Variants in PSD3 observed in about 807,000 individuals in gnomAD.
The protein encoded by PSD3 is pleckstrin and Sec7 domain containing 3, also known as PH and SEC7 domain-containing protein 3.
In PSD3, 49 loss-of-function variants were observed where a neutral mutation model predicts 105.5. The observed-to-expected ratio is 0.46, with a 90% CI of 0.37 to 0.59. The LOEUF (loss-of-function observed/expected upper bound fraction) is 0.59, where lower values mean the gene tolerates loss of function less well. Among genes scored for constraint, PSD3 ranks in the 20% least tolerant of loss-of-function variants. The pLI is 0.00. For synonymous variants in PSD3, 557 were observed against 457.8 expected (o/e 1.22, Z -2.77); for missense variants, 1,561 against 1,263.8 (o/e 1.24, Z -3.57).
intron 15 of PSD3, among the ~76,000 whole-genome samples, chr8:18,550,930 T>C (rs1482947031): frequency 6.6e-6 from 1 of 152,262 alleles, no homozygotes; most frequent in Non-Finnish European, 1.5e-5. Flanking sequence ...ACTGACTTAC[T>C]AAGATTGAGA....
In PSD3 at chr8:18,876,103, T is replaced by A. The variant is rs989686802; in HGVS notation, c.131-3370A>T. On this transcript the variant is annotated intron_variant, in intron 2 of 15. Transcript: ENST00000327040. ...TCCTTTTATTTTATTATTTTTTACA[T>A]GTAAAGAGAGACAGGGTCTCTCTAT... is the stretch of plus-strand genomic sequence containing the variant. Among the ~76,000 whole-genome samples, 3 of 152,084 alleles carry A rather than the reference T, an allele frequency of 2.0e-5. No homozygotes were observed. The South Asian group carries it at 6.2e-4, about 32-fold the overall frequency.
At chr8:18,623,059 A>G (rs549250793) in intron 11 of PSD3, among the ~76,000 whole-genome samples, 1 of 152,252 alleles carries the variant, frequency 6.6e-6, no homozygotes, top group South Asian at 2.1e-4. Context: ...CATTCAAAAA[A>G]TCTTTTTGTA....
chr8:18,544,186 A>AAAAAAAAAAAAACAAAAAAAAAAAAAAT (rs1800319635), intron 15 of PSD3, among the ~76,000 whole-genome samples: 1 of 51,860 alleles, frequency 1.9e-5, no homozygotes, highest in African/African-American at 3.6e-5. Flanking sequence ...AAAAAAAAAA[A>AAAAAAAAAAAAACAAAAAAAAAAAAAAT]AAAAAAAAAA....
At position 18,697,969 on chromosome 8, in the gene PSD3, C is replaced by T. The variant is rs149333098; in HGVS notation, c.2173-42284G>A. Among the ~76,000 whole-genome samples the T allele has an allele frequency of 1.1e-3, 161 of 152,280 alleles. 1 individual carries two copies. The East Asian group carries it at 0.023, about 22-fold the overall frequency. On this transcript the variant is annotated intron_variant, in intron 9 of 15. Transcript: ENST00000327040. ...CCAAAGATGTCCATGTCCTAACTCT[C>T]AGATCACAAGATTTTTATGATACTC...
At chr8:18,825,929 T>A (rs1016210489) in intron 4 of PSD3, among the ~76,000 whole-genome samples, 24 of 152,188 alleles carry the variant, frequency 1.6e-4, no homozygotes, top group Admixed American at 1.6e-3. Context: ...ACAGGATATC[T>A]AGACACCTGG....
intron 2 of PSD3, among the ~76,000 whole-genome samples, chr8:18,893,086 C>T (rs938342129): frequency 6.6e-6 from 1 of 152,064 alleles, no homozygotes; most frequent in Non-Finnish European, 1.5e-5. Context: ...CCAGAAAGTA[C>T]CAGCATCAAA....
At position 18,535,922 on chromosome 8, in the gene PSD3, C is replaced by T; in HGVS notation, c.2965G>A (p.Glu989Lys). ...RYEMYVSILK[E>K]GGKELLSNDE... ...TTACTCAGTAGCTCTTTGCCTCCTT[C>T]CTTGAGAATGCTGACATACATTTCA... The change falls in exon 16 of 16, where the codon GAA (glutamate) becomes AAA (lysine). Residue 989 changes from glutamate to lysine, a missense_variant. By Grantham distance (56) the Glu-to-Lys change is moderately conservative. Transcript: ENST00000327040. The T allele has an allele frequency of 6.2e-7, 1 of 1,614,168 alleles. No homozygotes were observed. The highest frequency in any genetic ancestry group is 8.5e-7 in the Non-Finnish European group (1 of 1,180,020).
intron 9 of PSD3, among the ~76,000 whole-genome samples, chr8:18,747,244 G>C (rs10099535): frequency 0.036 from 5,524 of 152,314 alleles, 242 homozygotes; most frequent in East Asian, 0.21. Flanking sequence ...TTTACTTGAA[G>C]TTAACGACAC....
chr8:18,742,212 G>C (rs982107334), intron 9 of PSD3, among the ~76,000 whole-genome samples: 2 of 152,056 alleles, frequency 1.3e-5, no homozygotes, highest in South Asian at 4.1e-4. Context: ...ACCTCTTTAA[G>C]AAACCTGGTA....
At chr8:18,772,587 T>C (rs750184664) in intron 8 of PSD3, among the ~76,000 whole-genome samples, 4 of 152,270 alleles carry the variant, frequency 2.6e-5, no homozygotes, top group Non-Finnish European at 5.9e-5. Context: ...CTGGTCACTG[T>C]GACCTCCGCC....
intron 9 of PSD3, among the ~76,000 whole-genome samples, chr8:18,719,171 G>T (rs1268035274): frequency 6.6e-6 from 1 of 152,174 alleles, no homozygotes; most frequent in Admixed American, 6.5e-5. Flanking sequence ...ATAAACGAGT[G>T]TCTAGAAGGC....
intron 9 of PSD3, among the ~76,000 whole-genome samples, chr8:18,738,202 A>C (rs935194979): frequency 1.3e-5 from 2 of 152,140 alleles, no homozygotes; most frequent in African/African-American, 4.8e-5. Context: ...CCAATTTTGC[A>C]TATCATTTCA....
At chr8:19,064,042 G>A (rs750988736) in intron 1 of PSD3, among the ~76,000 whole-genome samples, 20 of 152,090 alleles carry the variant, frequency 1.3e-4, no homozygotes, top group Non-Finnish European at 1.8e-4. Context: ...TCCGGAGACT[G>A]AGGCTGGAGA....
intron 11 of PSD3, among the ~76,000 whole-genome samples, chr8:18,611,133 A>T (rs1028346684): frequency 3.3e-5 from 5 of 152,118 alleles, no homozygotes; most frequent in African/African-American, 1.2e-4. Flanking sequence ...AACCTAAGAC[A>T]ATCACAGTGG....
At position 18,823,417 on chromosome 8, in the gene PSD3, C is replaced by T. The variant is rs555956598; in HGVS notation, c.1635-18519G>A. 3.9e-5 allele frequency among the ~76,000 whole-genome samples: 6 copies of T among 152,070 alleles called. No individual in the cohort carries two copies. In the East Asian group the frequency reaches 1.2e-3, roughly 29 times the overall value. The stretch of plus-strand genomic sequence containing the variant: ...AGCCACTCAAAATAAGAACAAAATA[C>T]AAGTAAAGTGGCAATAATAGCAAAG... On this transcript the variant is annotated intron_variant, in intron 4 of 15. Transcript: ENST00000327040.
At chr8:19,080,650 G>C (rs1829615168) in intron 1 of PSD3, among the ~76,000 whole-genome samples, 1 of 152,092 alleles carries the variant, frequency 6.6e-6, no homozygotes, top group Admixed American at 6.5e-5. Flanking sequence ...TTTCCTCGCT[G>C]TTTCCTAAAC....
At chr8:18,802,363 G>T in intron 6 of PSD3, 2 of 393,798 alleles carry the variant, frequency 5.1e-6, no homozygotes, top group Non-Finnish European at 5.0e-6. Flanking sequence ...CTAAACATGA[G>T]ATGGGAAGGA....
chr8:18,643,977 GC>G (rs1485936963), intron 10 of PSD3, among the ~76,000 whole-genome samples: 3 of 152,230 alleles, frequency 2.0e-5, no homozygotes, highest in Admixed American at 1.3e-4. Flanking sequence ...GGAATGCTGT[GC>G]CAGAATGTGG....
chr8:18,652,499 T>C (rs933980914), intron 10 of PSD3, among the ~76,000 whole-genome samples: 2 of 143,184 alleles, frequency 1.4e-5, no homozygotes, highest in African/African-American at 5.2e-5. Context: ...CTTAGTTTTT[T>C]TTTTTTTTTT....
Sources: allele counts gnomAD v4.1 joint callset (sites outside exome capture counted in the v4.1 genomes callset), GRCh38; gene constraint gnomAD v4.1.1; transcripts MANE v1.5; gene names NCBI Gene and HGNC (gene_info 2026-07-23, HGNC 2026-07-21).